MARCHF3: variants seen among roughly 807,000 people sequenced by gnomAD.
MARCHF3 encodes the protein E3 ubiquitin-protein ligase MARCHF3.
Under a neutral mutation model 24.2 loss-of-function variants are expected in MARCHF3, and 13 were observed. The observed-to-expected ratio is 0.54, with a 90% CI of 0.35 to 0.85. The LOEUF (loss-of-function observed/expected upper bound fraction) is 0.85. MARCHF3 is among the 40% of genes least tolerant of loss of function. MARCHF3 has a pLI of 0.01. For synonymous variants in MARCHF3, 144 were observed against 137.3 expected, an observed-to-expected ratio of 1.05 and a Z score of -0.34; for missense variants, 276 against 325.0, an observed-to-expected ratio of 0.85 and a Z score of 1.16.
At chr5:126,881,917 A>G (rs6595744) in intron 3 of MARCHF3, among the ~76,000 whole-genome samples, 150,155 of 152,304 alleles carry the variant, frequency 0.99, 74,067 homozygotes, top group East Asian at 1. Context: ...GGAGGCAGAT[A>G]TCTAGCTAGC....
At chr5:126,999,104 G>T (rs952688334) in intron 1 of MARCHF3, among the ~76,000 whole-genome samples, 7 of 152,182 alleles carry the variant, frequency 4.6e-5, no homozygotes, top group African/African-American at 1.7e-4. Context: ...ACCTAAGTCA[G>T]CAAAACAACA....
At chr5:126,906,644 C>A (rs1754308821) in intron 3 of MARCHF3, among the ~76,000 whole-genome samples, 1 of 152,140 alleles carries the variant, frequency 6.6e-6, no homozygotes, top group South Asian at 2.1e-4. Context: ...GTTTGTATTT[C>A]TGTGGGATCA....
chr5:126,967,797 C>T (rs988148061), intron 1 of MARCHF3, among the ~76,000 whole-genome samples: 12 of 152,128 alleles, frequency 7.9e-5, no homozygotes, highest in African/African-American at 2.9e-4. Flanking sequence ...CAACCTGCTG[C>T]CTGTGTTTTA....
At chr5:126,913,222 G>A (rs891384380) in intron 3 of MARCHF3, among the ~76,000 whole-genome samples, 1 of 152,154 alleles carries the variant, frequency 6.6e-6, no homozygotes, top group African/African-American at 2.4e-5. Context: ...TATATATTAC[G>A]TGCACATACA....
intron 3 of MARCHF3, among the ~76,000 whole-genome samples, chr5:126,884,952 T>A (rs1227978016): frequency 6.6e-6 from 1 of 152,238 alleles, no homozygotes; most frequent in Non-Finnish European, 1.5e-5. Context: ...CTATAAGCCC[T>A]GACTTCATCC....
chr5:126,907,010 A>T (rs1754322820), intron 3 of MARCHF3, among the ~76,000 whole-genome samples: 1 of 151,856 alleles, frequency 6.6e-6, no homozygotes, highest in Non-Finnish European at 1.5e-5. Flanking sequence ...AGATGCTGGT[A>T]TGTTGTGTCT....
intron 3 of MARCHF3, among the ~76,000 whole-genome samples, chr5:126,885,493 G>A (rs1753483680): frequency 6.6e-6 from 1 of 152,088 alleles, no homozygotes; most frequent in African/African-American, 2.4e-5. Flanking sequence ...CTTGAACCCA[G>A]GAGGCGGAGG....
intron 1 of MARCHF3, among the ~76,000 whole-genome samples, chr5:126,972,908 A>G (rs1443103852): frequency 6.6e-6 from 1 of 152,254 alleles, no homozygotes; most frequent in African/African-American, 2.4e-5. Flanking sequence ...CATAATTTAT[A>G]TACCACATTT....
intron 3 of MARCHF3, among the ~76,000 whole-genome samples, chr5:126,890,333 T>C (rs1419086567): frequency 6.6e-6 from 1 of 151,706 alleles, no homozygotes; most frequent in East Asian, 1.9e-4. Flanking sequence ...CATGTGCACA[T>C]TGTGCAGGTT....
At chr5:127,004,687 C>G (rs1325965825) in intron 1 of MARCHF3, among the ~76,000 whole-genome samples, 1 of 152,120 alleles carries the variant, frequency 6.6e-6, no homozygotes, top group Non-Finnish European at 1.5e-5. Flanking sequence ...GAGAACTTTG[C>G]TCAGACATAG....
Position 126,867,790 on chromosome 5 carries a change from G to C in MARCHF3, c.*2843C>G, listed in dbSNP as rs559189683. Reference sequence around the variant, plus strand: ...CTGAGTCTCTGCTGTGTTCTCTGAGGAGCTGTAGAATTTGTGTCGATGCTC... The same window carrying C: ...CTGAGTCTCTGCTGTGTTCTCTGAGCAGCTGTAGAATTTGTGTCGATGCTC... On this transcript the variant is annotated 3_prime_UTR_variant, in exon 5 of 5. Coordinates refer to ENST00000308660, the MANE Select transcript of MARCHF3 (RefSeq NM_178450.5). 2.4e-4 allele frequency: 37 copies of C among 152,312 alleles called. No homozygotes were observed. The highest frequency in any genetic ancestry group is 5.3e-4 in the Non-Finnish European group (36 of 68,030). The allele number at this position is 152,312 out of a possible 1,614,324, so 9.4% of individuals were successfully genotyped here.
intron 1 of MARCHF3, among the ~76,000 whole-genome samples, chr5:126,953,963 A>T (rs1750340410): frequency 6.6e-6 from 1 of 152,144 alleles, no homozygotes; most frequent in Non-Finnish European, 1.5e-5. Flanking sequence ...TGAATTTTTA[A>T]TATAATCCAT....
intron 1 of MARCHF3, among the ~76,000 whole-genome samples, chr5:127,029,724 T>C (rs1458127343): frequency 6.6e-6 from 1 of 152,142 alleles, no homozygotes; most frequent in Non-Finnish European, 1.5e-5. Context: ...CCTAACGAAG[T>C]CCTTCGGACA....
At chr5:126,874,743 A>C (rs1424826903) in intron 4 of MARCHF3, among the ~76,000 whole-genome samples, 1 of 152,112 alleles carries the variant, frequency 6.6e-6, no homozygotes, top group Non-Finnish European at 1.5e-5. Flanking sequence ...TCACCTATCT[A>C]TCTCTGACTG....
At chr5:127,021,194 A>ACC (rs1752794182) in intron 1 of MARCHF3, among the ~76,000 whole-genome samples, 1 of 152,044 alleles carries the variant, frequency 6.6e-6, no homozygotes, top group Non-Finnish European at 1.5e-5. Flanking sequence ...TCCATTTAAT[A>ACC]CCCACCCCCC....
At chr5:126,984,059 A>G (rs1266460426) in intron 1 of MARCHF3, among the ~76,000 whole-genome samples, 1 of 152,014 alleles carries the variant, frequency 6.6e-6, no homozygotes, top group Non-Finnish European at 1.5e-5. Flanking sequence ...GATATTATGC[A>G]ATGCTAATGT....
chr5:126,935,205 T>A (rs1749603566), intron 1 of MARCHF3, among the ~76,000 whole-genome samples: 2 of 152,124 alleles, frequency 1.3e-5, no homozygotes, highest in Non-Finnish European at 2.9e-5. Context: ...TCTGTGAGGG[T>A]GTTTCTGGAT....
intron 1 of MARCHF3, among the ~76,000 whole-genome samples, chr5:127,025,330 G>T (rs372737402): frequency 1.4e-5 from 2 of 140,766 alleles, no homozygotes; most frequent in African/African-American, 2.7e-5. Flanking sequence ...AAAAAAGAAA[G>T]AAACTAACCA....
At chr5:126,962,997 CTT>C (rs1750691806) in intron 1 of MARCHF3, among the ~76,000 whole-genome samples, 1 of 152,060 alleles carries the variant, frequency 6.6e-6, no homozygotes, top group Admixed American at 6.6e-5. Context: ...CTGTGGGCAA[CTT>C]GACGTTCTCT....
Sources: allele counts gnomAD v4.1 joint callset (sites outside exome capture counted in the v4.1 genomes callset), GRCh38; gene constraint gnomAD v4.1.1; transcripts MANE v1.5; gene names NCBI Gene and HGNC (gene_info 2026-07-23, HGNC 2026-07-21).